The following CSMD1 variants were observed in gnomAD, a reference collection of about 807,000 sequenced individuals.
CSMD1 encodes CUB and sushi domain-containing protein 1.
A neutral mutation model predicts 417.5 loss-of-function variants in CSMD1; 213 were observed. The observed-to-expected ratio is 0.51, with a 90% CI of 0.46 to 0.57. CSMD1 has a LOEUF of 0.57. Ranked by LOEUF, CSMD1 falls within the 20% of genes least tolerant of loss-of-function variation. The pLI is 0.00. For missense variants in CSMD1, 6,923 were observed against 4,529.7 expected (o/e 1.53, Z -15.17); for synonymous variants, 2,862 against 1,736.8 (o/e 1.65, Z -16.11).
chr8:2,944,315 C>A (rs1367152687), intron 68 of CSMD1, among the ~76,000 whole-genome samples: 2 of 152,086 alleles, frequency 1.3e-5, no homozygotes, highest in Non-Finnish European at 2.9e-5. Flanking sequence ...GGTTCTAGAG[C>A]CCTGGGGACA....
In CSMD1 at chr8:3,113,856, C is replaced by T. The variant is rs6558722; in HGVS notation, c.6431-3521G>A. On this transcript the variant is annotated intron_variant, in intron 42 of 69. Coordinates refer to ENST00000635120, the MANE Select transcript of CSMD1 (RefSeq NM_033225.6). ...TCTCTTTATTGTGCTACCTTTTCCT[C>T]TCTTTATGCAATGTGACTTTCTGTG... is the stretch of plus-strand genomic sequence containing the variant. 3.3e-5 allele frequency among the ~76,000 whole-genome samples: 5 copies of T among 151,966 alleles called. 1 individual carries two copies. Among genetic ancestry groups the T allele is most frequent in the Non-Finnish European group, 7.4e-5 (5 of 68,002 alleles).
At chr8:3,230,585 T>A (rs1203191666) in intron 26 of CSMD1, among the ~76,000 whole-genome samples, 2 of 152,044 alleles carry the variant, frequency 1.3e-5, no homozygotes, top group African/African-American at 4.8e-5. Flanking sequence ...ATACTGCAAA[T>A]TACATAAACT....
At chr8:3,194,777 C>T (rs1471117250) in intron 33 of CSMD1, among the ~76,000 whole-genome samples, 1 of 151,924 alleles carries the variant, frequency 6.6e-6, no homozygotes, top group African/African-American at 2.4e-5. Context: ...GCCTAATTAA[C>T]TATATTTCCA....
chr8:4,537,620 C>G (rs1002419963), intron 2 of CSMD1, among the ~76,000 whole-genome samples: 9 of 152,164 alleles, frequency 5.9e-5, no homozygotes, highest in African/African-American at 2.2e-4. Context: ...TTATCTGACA[C>G]TATTCTATAA....
At chr8:4,388,098 G>T (rs539087774) in intron 3 of CSMD1, among the ~76,000 whole-genome samples, 2 of 152,090 alleles carry the variant, frequency 1.3e-5, no homozygotes, top group Non-Finnish European at 2.9e-5. Context: ...CAGGACTAAA[G>T]ATACAGCTGT....
chr8:3,910,814 G>C (rs952773695), intron 5 of CSMD1, among the ~76,000 whole-genome samples: 2 of 152,182 alleles, frequency 1.3e-5, no homozygotes, highest in Non-Finnish European at 2.9e-5. Context: ...TTATTGGAGA[G>C]TGCATGCTAC....
chr8:3,432,461 G>T (rs1303173924), intron 12 of CSMD1, among the ~76,000 whole-genome samples: 3 of 143,154 alleles, frequency 2.1e-5, no homozygotes, highest in Admixed American at 7.0e-5. Context: ...TAGAAAAGTT[G>T]TTACTCCTTC....
intron 2 of CSMD1, among the ~76,000 whole-genome samples, chr8:4,631,799 G>A (rs944579384): frequency 3.3e-5 from 5 of 152,062 alleles, no homozygotes; most frequent in African/African-American, 9.7e-5. Context: ...AGAAAATTAG[G>A]GGTAATCTTG....
At chr8:4,029,373 A>G (rs1194614926) in intron 4 of CSMD1, among the ~76,000 whole-genome samples, 1 of 152,170 alleles carries the variant, frequency 6.6e-6, no homozygotes, top group Non-Finnish European at 1.5e-5. Context: ...ACAGTTCTAT[A>G]TGGCTGGGGA....
intron 2 of CSMD1, among the ~76,000 whole-genome samples, chr8:4,623,855 T>C (rs1801931155): frequency 6.6e-6 from 1 of 152,092 alleles, no homozygotes; most frequent in Admixed American, 6.6e-5. Flanking sequence ...GAACACAGGA[T>C]GGATGACCGG....
chr8:3,636,561 T>C (rs1239749585), intron 7 of CSMD1, among the ~76,000 whole-genome samples: 1 of 152,204 alleles, frequency 6.6e-6, no homozygotes, highest in Non-Finnish European at 1.5e-5. Context: ...GGAATGTACA[T>C]GTAACTTTAT....
chr8:4,529,785 C>T (rs902157299), intron 2 of CSMD1, among the ~76,000 whole-genome samples: 2 of 151,552 alleles, frequency 1.3e-5, no homozygotes, highest in African/African-American at 4.8e-5. Context: ...GAACTGCTGC[C>T]GTAGAAAATC....
intron 2 of CSMD1, among the ~76,000 whole-genome samples, chr8:4,601,565 G>C (rs1043178179): frequency 6.6e-6 from 1 of 152,148 alleles, no homozygotes; most frequent in Admixed American, 6.5e-5. Flanking sequence ...GTAGTATTAA[G>C]AATTGAATAC....
In CSMD1 at chr8:2,978,645, C is replaced by T. The variant is rs1805139009; in HGVS notation, c.8533G>A (p.Gly2845Ser). 6.2e-7 allele frequency: 1 copy of T among 1,604,060 alleles called. No homozygotes were observed. The highest frequency in any genetic ancestry group is 2.2e-5 in the East Asian group (1 of 44,588). ...TTGGGCAGGGATCGGTCCCATAAGC[C>T]ATTTGCCATACAGGTCAAGGCTGAA... ...GSSALTCMAN[G>S]LWDRSLPKCL... Residue 2845 changes from glycine to serine, a missense_variant, in exon 55 of 70, where the codon GGC (glycine) becomes AGC (serine). Transcript: ENST00000635120.
At chr8:4,329,388 A>T (rs1407913772) in intron 3 of CSMD1, among the ~76,000 whole-genome samples, 1 of 152,104 alleles carries the variant, frequency 6.6e-6, no homozygotes, top group Non-Finnish European at 1.5e-5. Context: ...TCCCAGGTAC[A>T]AGTGATTCTC....
chr8:3,206,106 A>C (rs948504460), intron 30 of CSMD1, among the ~76,000 whole-genome samples: 5 of 152,130 alleles, frequency 3.3e-5, no homozygotes, highest in Non-Finnish European at 5.9e-5. Context: ...AGTTTCAGTA[A>C]AAGCAACATG....
intron 3 of CSMD1, among the ~76,000 whole-genome samples, chr8:4,059,299 A>G (rs1310606015): frequency 3.5e-5 from 5 of 142,924 alleles, no homozygotes; most frequent in African/African-American, 1.3e-4. Context: ...AACACTGTGT[A>G]GAGTGAAATT....
intron 1 of CSMD1, among the ~76,000 whole-genome samples, chr8:4,753,895 T>A (rs1202759716): frequency 6.6e-6 from 1 of 152,178 alleles, no homozygotes; most frequent in East Asian, 1.9e-4. Flanking sequence ...TGGCAGGGAG[T>A]TGTTTTCCTG....
At chr8:4,134,810 A>T (rs1014835902) in intron 3 of CSMD1, among the ~76,000 whole-genome samples, 5 of 152,200 alleles carry the variant, frequency 3.3e-5, no homozygotes, top group Non-Finnish European at 5.9e-5. Flanking sequence ...ATTTTAACAC[A>T]AATTTTGTCC....
Sources: gnomAD v4.1 joint callset for allele counts (sites outside exome capture counted in the v4.1 genomes callset) on GRCh38, gnomAD v4.1.1 for gene constraint, MANE v1.5 for transcripts, NCBI Gene and HGNC (gene_info 2026-07-23, HGNC 2026-07-21) for gene names.